The following HERC2 variants were observed in gnomAD, a reference collection of about 807,000 sequenced individuals.
The protein encoded by HERC2 is HECT and RLD domain containing E3 ubiquitin protein ligase 2, also known as E3 ubiquitin-protein ligase HERC2.
Under a neutral mutation model 537.7 loss-of-function variants are expected in HERC2, and 102 were observed. The ratio of observed to expected loss-of-function variants is 0.19; its 90% confidence interval spans 0.16 to 0.22. The LOEUF (loss-of-function observed/expected upper bound fraction) is 0.22, where lower values mean the gene tolerates loss of function less well. Ranked by LOEUF, HERC2 falls within the 10% of genes least tolerant of loss-of-function variation. The pLI is 1.00. For synonymous variants in HERC2, 2,224 were observed against 2,466.2 expected (o/e 0.90, Z 2.91); for missense variants, 4,236 against 6,198.2 (o/e 0.68, Z 10.63).
intron 2 of HERC2, among the ~76,000 whole-genome samples, chr15:28,316,548 CTTT>C (rs1446208038): frequency 6.6e-6 from 1 of 152,168 alleles, no homozygotes; most frequent in Non-Finnish European, 1.5e-5. Context: ...GTTACTACAT[CTTT>C]TTTATCATGG....
intron 74 of HERC2, 110 bp from the exon 75 acceptor site, chr15:28,143,062 A>G: frequency 1.0e-6 from 1 of 961,570 alleles, no homozygotes; most frequent in Non-Finnish European, 1.5e-6. Context: ...CTCTTCTAAA[A>G]AAACTAAAAA....
intron 4 of HERC2, among the ~76,000 whole-genome samples, chr15:28,285,579 G>T (rs980619961): frequency 1.3e-5 from 2 of 151,522 alleles, no homozygotes; most frequent in African/African-American, 4.8e-5. Context: ...CTAAATAAAT[G>T]ATATATTAGA....
chr15:28,212,062 G>T (rs572528358), intron 43 of HERC2, among the ~76,000 whole-genome samples: 1 of 152,164 alleles, frequency 6.6e-6, no homozygotes, highest in Admixed American at 6.5e-5. Flanking sequence ...AGGCGCTTCC[G>T]GGACAGAGGC....
At chr15:28,149,682 C>A (rs1335839863) in intron 70 of HERC2, among the ~76,000 whole-genome samples, 1 of 151,612 alleles carries the variant, frequency 6.6e-6, no homozygotes, top group African/African-American at 2.4e-5. Flanking sequence ...AACTTCTAAC[C>A]GAGAACATCA....
At position 28,113,346 on chromosome 15, in the gene HERC2, C is replaced by T. The variant is rs75620448; in HGVS notation, c.14020-63G>A. The T allele has an allele frequency of 2.4e-3, 3,596 of 1,514,632 alleles. 69 individuals carry two copies. In the African/African-American group the frequency reaches 0.045, roughly 19 times the overall value. 93.8% of individuals were successfully genotyped at this position (1,514,632 alleles called of 1,614,324 possible). A position where few individuals can be genotyped will look rare whatever the true frequency, so the allele number is the denominator to read the frequency against. ...CCACCCTGGCATTTCCGCAAGACTC[C>T]GTCACGCTCCCTCTCTACACCAAGG... On this transcript the variant is annotated intron_variant, in intron 91 of 92. Coordinates refer to ENST00000261609, the MANE Select transcript of HERC2 (RefSeq NM_004667.6). The surrounding 1 kb of genome is among the most constrained non-coding windows in gnomAD (Gnocchi z 7.0).
chr15:28,204,865 A>G (rs1898244665), intron 45 of HERC2, among the ~76,000 whole-genome samples: 2 of 152,228 alleles, frequency 1.3e-5, no homozygotes, highest in African/African-American at 4.8e-5. Context: ...GTAAAAGGAA[A>G]CTCACTAACA....
rs779300599 is a variant in HERC2 at position 28,228,339 on chromosome 15, C to T, written c.5343G>A (p.Pro1781=). 8 of 1,612,160 alleles carry T rather than the reference C, an allele frequency of 5.0e-6. No individual in the cohort carries two copies. The highest frequency in any genetic ancestry group is 4.4e-5 in the South Asian group (4 of 90,992). The change falls in exon 35 of 93, where the codon CCG becomes CCA. Residue 1781 remains proline, a synonymous_variant. Transcript: ENST00000261609. Reference sequence around the variant, plus strand: ...GCATCACCAGGAGGAAGCGGGCTTGCGGGATGGTCCCCAGGCTCGGTCCTG... The same window carrying T: ...GCATCACCAGGAGGAAGCGGGCTTGTGGGATGGTCCCCAGGCTCGGTCCTG... ...NPSGPSLGTI[P]QARFLLVMLS...
At chr15:28,295,374 G>A (rs1244021151) in intron 3 of HERC2, among the ~76,000 whole-genome samples, 2 of 151,600 alleles carry the variant, frequency 1.3e-5, no homozygotes, top group African/African-American at 4.8e-5. Context: ...GACAAACCCA[G>A]CCCACAGCCT....
chr15:28,153,519 C>G (rs368545305), intron 69 of HERC2, among the ~76,000 whole-genome samples: 3 of 149,032 alleles, frequency 2.0e-5, no homozygotes, highest in Admixed American at 2.0e-4. Flanking sequence ...GGTATGGTGG[C>G]CCGTGCCTGT....
chr15:28,297,353 T>TTTTC (rs2076496747), intron 3 of HERC2, among the ~76,000 whole-genome samples: 1 of 151,450 alleles, frequency 6.6e-6, no homozygotes, highest in Non-Finnish European at 1.5e-5. Flanking sequence ...CTTTTATCTC[T>TTTTC]GGAAAGAAAA....
chr15:28,313,865 A>C (rs1316239523), intron 2 of HERC2, among the ~76,000 whole-genome samples: 2 of 152,128 alleles, frequency 1.3e-5, no homozygotes, highest in Non-Finnish European at 2.9e-5. Flanking sequence ...GAACCTAAGC[A>C]AGCAGGGATG....
At chr15:28,151,242 T>C (rs1892416248) in intron 70 of HERC2, among the ~76,000 whole-genome samples, 3 of 152,132 alleles carry the variant, frequency 2.0e-5, no homozygotes, top group African/African-American at 4.8e-5. Context: ...GGATTTGATA[T>C]GGAAGAAAGG....
chr15:28,222,323 T>C (rs985897412), intron 35 of HERC2, 108 bp from the exon 36 acceptor site: 2 of 605,062 alleles, frequency 3.3e-6, no homozygotes, highest in African/African-American at 3.7e-5. Flanking sequence ...TTTTGAACAA[T>C]CCATACTATA....
chr15:28,163,231 A>G lies in HERC2; in HGVS notation c.10609T>C (p.Phe3537Leu). 1 of 1,613,972 alleles carries G rather than the reference A, an allele frequency of 6.2e-7. No individual in the cohort carries two copies. Among genetic ancestry groups the G allele is most frequent in the East Asian group, 2.2e-5 (1 of 44,880 alleles). Reference protein sequence around the residue: ...AGPEPQALDEFTSLLIADDTR... With the variant: ...AGPEPQALDELTSLLIADDTR... Reference sequence around the variant, plus strand: ...TCATCCGCAATCAGCAGACTGGTGAACTCATCCAAGGCCTGAGGCTCCGGA... The same window carrying G: ...TCATCCGCAATCAGCAGACTGGTGAGCTCATCCAAGGCCTGAGGCTCCGGA... The change falls in exon 69 of 93, where the codon TTC (phenylalanine) becomes CTC (leucine). Residue 3537 changes from phenylalanine to leucine, a missense_variant. Coordinates refer to ENST00000261609, the MANE Select transcript of HERC2 (RefSeq NM_004667.6).
In HERC2 at chr15:28,113,118, G is replaced by GCCTCGTCCGGC; in HGVS notation, c.14174_14184dup (p.Leu4729AlafsTer42). On this transcript the variant is annotated frameshift_variant, in exon 92 of 93. Coordinates refer to ENST00000261609, the MANE Select transcript of HERC2 (RefSeq NM_004667.6). LOFTEE classifies it high-confidence loss of function. The surrounding 1 kb of genome is among the most constrained non-coding windows in gnomAD (Gnocchi z 7.0). ...CGGAAGTCGGCGATGGTCCTGGGCA[G>GCCTCGTCCGGC]CCTCGTCCGGCCCCAGACGAAGCGA... 1 of 1,613,904 alleles carries GCCTCGTCCGGC rather than the reference G, an allele frequency of 6.2e-7. No individual in the cohort carries two copies. Among genetic ancestry groups the GCCTCGTCCGGC allele is most frequent in the Non-Finnish European group, 8.5e-7 (1 of 1,180,042 alleles).
chr15:28,142,064 A>T (rs1375289503), intron 76 of HERC2, among the ~76,000 whole-genome samples, 174 bp downstream of exon 76: 1 of 152,180 alleles, frequency 6.6e-6, no homozygotes, highest in African/African-American at 2.4e-5. Flanking sequence ...ACTAAAAATA[A>T]ACTTTAACTG....
chr15:28,163,281 A>G lies in HERC2; in HGVS notation c.10559T>C (p.Val3520Ala). 6.2e-7 allele frequency: 1 copy of G among 1,612,156 alleles called. No individual in the cohort carries two copies. Among genetic ancestry groups the G allele is most frequent in the South Asian group, 1.1e-5 (1 of 91,006 alleles). Residue 3520 changes from valine to alanine, a missense_variant, in exon 69 of 93, where the codon GTT becomes GCT. By Grantham distance (64) the Val-to-Ala change is moderately conservative (BLOSUM62 0). This residue lies in a region of HERC2 where 356 missense variants were observed against 450.9 expected (regional missense o/e 0.79). Transcript: ENST00000261609. ...AETMTKTKED[V>A]ESQNKAAGPE... ...ACCTGCTGCTTTATTTTGGCTTTCA[A>G]CATCCTAAGTCAAATGACATCCAAC... is the stretch of plus-strand genomic sequence containing the variant.
intron 23 of HERC2, 84 bp downstream of exon 23, chr15:28,245,797 G>A (rs962298766): frequency 8.3e-7 from 1 of 1,199,368 alleles, no homozygotes; most frequent in East Asian, 2.3e-5. Flanking sequence ...CCTTTGTAAA[G>A]TATTCTTTCA....
Position 28,214,241 on chromosome 15 carries a change from C to T in HERC2, c.6390G>A (p.Pro2130=), listed in dbSNP as rs1272531709. Residue 2130 remains proline, a synonymous_variant, in exon 41 of 93, where the codon CCG becomes CCA. Coordinates refer to ENST00000261609, the MANE Select transcript of HERC2 (RefSeq NM_004667.6). ...TGTGGGTGGCAGTCAGCGAGGCCTG[C>T]GGGCGCACCCTGCGCCGCCTCAGCG... is the stretch of plus-strand genomic sequence containing the variant. ...ESTLRRRRVR[P]QASLTATHSS... 19 of 1,611,676 alleles carry T rather than the reference C, an allele frequency of 1.2e-5. No homozygotes were observed. Among genetic ancestry groups the T allele is most frequent in the Admixed American group, 1.7e-5 (1 of 59,992 alleles).
Sources: allele counts gnomAD v4.1 joint callset (sites outside exome capture counted in the v4.1 genomes callset), GRCh38; gene constraint gnomAD v4.1.1; regional missense constraint gnomAD v4.1.1; non-coding constraint Gnocchi (gnomAD v3.1); transcripts MANE v1.5; gene names NCBI Gene and HGNC (gene_info 2026-07-23, HGNC 2026-07-21).